Variants in DCC observed in about 807,000 individuals in gnomAD.
DCC encodes netrin receptor DCC.
In DCC, 58 loss-of-function variants were observed where a neutral mutation model predicts 172.5. That is an observed-to-expected ratio of 0.34 (90% CI 0.27 to 0.42). DCC has a LOEUF of 0.42. Ranked by LOEUF, DCC falls within the 10% of genes least tolerant of loss-of-function variation. DCC has a pLI of 1.00. For missense variants in DCC, 1,740 were observed against 1,791.0 expected, an observed-to-expected ratio of 0.97 and a Z score of 0.51; for synonymous variants, 709 against 644.5, an observed-to-expected ratio of 1.10 and a Z score of -1.52.
chr18:52,701,263 G>T (rs886386049), intron 1 of DCC, among the ~76,000 whole-genome samples: 1 of 151,980 alleles, frequency 6.6e-6, no homozygotes, highest in African/African-American at 2.4e-5. Context: ...GCTTCTTATT[G>T]ATATCCTAGC....
intron 5 of DCC, among the ~76,000 whole-genome samples, chr18:52,963,782 C>A (rs1296778836): frequency 6.6e-6 from 1 of 151,108 alleles, no homozygotes; most frequent in Non-Finnish European, 1.5e-5. Context: ...CTTATATTAT[C>A]TGGCATACCT....
intron 21 of DCC, among the ~76,000 whole-genome samples, chr18:53,429,143 C>G (rs1488881065): frequency 6.2e-5 from 7 of 112,436 alleles, no homozygotes; most frequent in African/African-American, 2.1e-4. Context: ...ATATATATAT[C>G]GGTTGGTCTG....
intron 2 of DCC, among the ~76,000 whole-genome samples, chr18:52,776,855 A>G (rs1207896166): frequency 6.6e-6 from 1 of 152,208 alleles, no homozygotes; most frequent in Non-Finnish European, 1.5e-5. Flanking sequence ...TCATGTGAGT[A>G]TAAAATACAT....
intron 7 of DCC, among the ~76,000 whole-genome samples, chr18:53,150,993 C>T (rs2043988556): frequency 2.0e-5 from 3 of 152,120 alleles, no homozygotes; most frequent in Non-Finnish European, 4.4e-5. Flanking sequence ...CAAATGCATC[C>T]TGGAGGGTCA....
At chr18:53,500,896 C>A (rs2046089931) in intron 27 of DCC, among the ~76,000 whole-genome samples, 1 of 152,110 alleles carries the variant, frequency 6.6e-6, no homozygotes, top group Non-Finnish European at 1.5e-5. Context: ...CCCTCCCATG[C>A]ATACACACTC....
At chr18:52,681,020 A>G (rs1457132456) in intron 1 of DCC, among the ~76,000 whole-genome samples, 3 of 152,216 alleles carry the variant, frequency 2.0e-5, no homozygotes, top group South Asian at 2.1e-4. Context: ...GTAAATTACT[A>G]TTGGTGGTGG....
intron 2 of DCC, among the ~76,000 whole-genome samples, chr18:52,880,951 G>C (rs1397439920): frequency 2.6e-5 from 4 of 151,968 alleles, no homozygotes; most frequent in Non-Finnish European, 4.4e-5. Flanking sequence ...TTCTCCATAG[G>C]GGTTGTCTAA....
rs567568777 is a variant in DCC at position 52,753,943 on chromosome 18, T to C, written c.412+1569T>C. On this transcript the variant is annotated intron_variant, in intron 2 of 28. Transcript: ENST00000442544. ...TTGACCATAAAGCAAGGCAAGCAGATTGAACTTGAAATAAATTTAAGTTAT... is the reference window on the plus strand; with the variant it reads ...TTGACCATAAAGCAAGGCAAGCAGACTGAACTTGAAATAAATTTAAGTTAT... 4.6e-5 allele frequency: 7 copies of C among 152,288 alleles called. No individual in the cohort carries two copies. In the East Asian group the frequency reaches 1.4e-3, roughly 29 times the overall value. 9.4% of individuals were successfully genotyped at this position (152,288 alleles called of 1,614,324 possible). A position where few individuals can be genotyped will look rare whatever the true frequency, so the allele number is the denominator to read the frequency against.
chr18:52,975,208 G>C (rs1188729578), intron 5 of DCC, among the ~76,000 whole-genome samples: 1 of 152,158 alleles, frequency 6.6e-6, no homozygotes, highest in African/African-American at 2.4e-5. Flanking sequence ...CCAAGATCAA[G>C]GTGCTGGCAA....
intron 1 of DCC, among the ~76,000 whole-genome samples, chr18:52,702,970 T>C (rs1476609693): frequency 6.6e-6 from 1 of 152,090 alleles, no homozygotes; most frequent in Admixed American, 6.6e-5. Context: ...TATTTTGTAG[T>C]GAAAATCAAG....
At chr18:52,990,540 C>A (rs1204972255) in intron 5 of DCC, among the ~76,000 whole-genome samples, 815 of 3,624 alleles carry the variant, frequency 0.22, 209 homozygotes, top group Non-Finnish European at 0.36. Context: ...AACTCCATCC[C>A]AAAAAAAAAA....
Position 53,449,655 on chromosome 18 carries a change from G to C in DCC, c.3230-845G>C, listed in dbSNP as rs575280476. 7.2e-5 allele frequency among the ~76,000 whole-genome samples: 11 copies of C among 152,234 alleles called. No homozygotes were observed. The South Asian group carries it at 2.3e-3, about 32-fold the overall frequency. On this transcript the variant is annotated intron_variant, in intron 22 of 28. Coordinates refer to ENST00000442544, the MANE Select transcript of DCC (RefSeq NM_005215.4). ...ATAAACCATAGCCTCTCTCGTTCTT[G>C]TCACTCAGGAATTCTTATGGTACAA...
intron 1 of DCC, among the ~76,000 whole-genome samples, chr18:52,661,654 G>A (rs979046133): frequency 4.6e-5 from 7 of 152,182 alleles, no homozygotes; most frequent in African/African-American, 1.7e-4. Context: ...CCCCACTTGT[G>A]CACACAGACT....
chr18:53,262,355 G>C (rs79870966), intron 12 of DCC, among the ~76,000 whole-genome samples: 2,342 of 152,228 alleles, frequency 0.015, 68 homozygotes, highest in African/African-American at 0.053. Flanking sequence ...ATTCTGTGGT[G>C]GTCTAACTCA....
At chr18:53,091,783 C>G (rs1021106930) in intron 7 of DCC, among the ~76,000 whole-genome samples, 2 of 151,970 alleles carry the variant, frequency 1.3e-5, no homozygotes, top group East Asian at 3.9e-4. Flanking sequence ...ATGAATGTTA[C>G]GTTCAGTCCA....
At chr18:53,417,651 T>A (rs1344087187) in intron 21 of DCC, among the ~76,000 whole-genome samples, 2 of 152,078 alleles carry the variant, frequency 1.3e-5, no homozygotes, top group African/African-American at 4.8e-5. Context: ...AACTCCTAAG[T>A]TTTGAAATTA....
intron 19 of DCC, among the ~76,000 whole-genome samples, chr18:53,410,118 A>G (rs1377987793): frequency 6.6e-6 from 1 of 152,188 alleles, no homozygotes. Flanking sequence ...AATTATACAG[A>G]CTTGTTATCT....
At chr18:52,792,051 G>T (rs755747264) in intron 2 of DCC, among the ~76,000 whole-genome samples, 53 of 152,092 alleles carry the variant, frequency 3.5e-4, no homozygotes, top group Non-Finnish European at 6.8e-4. Flanking sequence ...TAAGGGCAAA[G>T]AATTGGGAAG....
chr18:52,731,898 A>G (rs2036648453), intron 1 of DCC, among the ~76,000 whole-genome samples: 1 of 152,156 alleles, frequency 6.6e-6, no homozygotes, highest in African/African-American at 2.4e-5. Flanking sequence ...CTGTTTTTGT[A>G]TATACAGTAA....
Sources: gnomAD v4.1 joint callset for allele counts (sites outside exome capture counted in the v4.1 genomes callset) on GRCh38, gnomAD v4.1.1 for gene constraint, MANE v1.5 for transcripts, NCBI Gene and HGNC (gene_info 2026-07-23, HGNC 2026-07-21) for gene names.